The following PDE10A variants were observed in gnomAD, a reference collection of about 807,000 sequenced individuals.
PDE10A encodes the protein cAMP and cAMP-inhibited cGMP 3',5'-cyclic phosphodiesterase 10A.
In PDE10A, 39 loss-of-function variants were observed where a neutral mutation model predicts 97.7. That is an observed-to-expected ratio of 0.40 (90% confidence interval 0.31 to 0.52). PDE10A has a LOEUF of 0.52. Among genes scored for constraint, PDE10A ranks in the 20% least tolerant of loss-of-function variants. The pLI, the probability that PDE10A is intolerant of heterozygous loss-of-function variation, is 0.56. For missense variants in PDE10A, 731 were observed against 1,047.8 expected, an observed-to-expected ratio of 0.70 and a Z score of 4.17; for synonymous variants, 371 against 376.8, an observed-to-expected ratio of 0.98 and a Z score of 0.18.
At chr6:165,853,790 A>G (rs966090580) in intron 1 of PDE10A, among the ~76,000 whole-genome samples, 17 of 152,238 alleles carry the variant, frequency 1.1e-4, no homozygotes, top group African/African-American at 4.1e-4. Flanking sequence ...GAACGTAGCA[A>G]TCATTCAGAA....
rs149867460 is a variant in PDE10A at position 165,909,311 on chromosome 6, A to C, written c.-615+78218T>G. Among the ~76,000 whole-genome samples the C allele has an allele frequency of 1.1e-3, 167 of 152,258 alleles. 1 individual carries two copies. Among genetic ancestry groups the C allele is most frequent in the African/African-American group, 3.9e-3 (161 of 41,544 alleles). On this transcript the variant is annotated intron_variant, in intron 1 of 19. Coordinates refer to the PDE10A transcript ENST00000366882. ...CATGAAGTTACCTTGGGTTTTGAGTACTCTGTGGGCAGGTCTTGAGCTGGC... is the reference window on the plus strand; with the variant it reads ...CATGAAGTTACCTTGGGTTTTGAGTCCTCTGTGGGCAGGTCTTGAGCTGGC...
chr6:165,404,297 C>T lies in PDE10A; in HGVS notation c.2077-7838G>A, dbSNP rs148250768. 8.0e-3 allele frequency among the ~76,000 whole-genome samples: 1,217 copies of T among 152,192 alleles called. 5 individuals carry two copies. Among genetic ancestry groups the T allele is most frequent in the Non-Finnish European group, 0.013 (909 of 68,014 alleles). ...ACCCATCGCAGGGTGTGGCTTGAGG[C>T]TCCCGGATGTGAAGGGAAGGTCCAT... is the stretch of plus-strand genomic sequence containing the variant. On this transcript the variant is annotated intron_variant, in intron 13 of 21. Transcript: ENST00000539869.
Position 165,917,291 on chromosome 6 carries a change from A to G in PDE10A, c.-615+70238T>C, listed in dbSNP as rs114104583. The stretch of plus-strand genomic sequence containing the variant: ...GAGGCCAGGGCTGAGCCACAGGCGT[A>G]CAGCGGTCTCACTGCACCAAGAGCA... On this transcript the variant is annotated intron_variant, in intron 1 of 19. Coordinates refer to the PDE10A transcript ENST00000366882. 8.1e-3 allele frequency among the ~76,000 whole-genome samples: 1,205 copies of G among 147,932 alleles called. 14 individuals carry two copies. The highest frequency in any genetic ancestry group is 0.027 in the African/African-American group (1,071 of 39,898).
At position 165,363,680 on chromosome 6, in the gene PDE10A, G is replaced by C. The variant is rs559563100; in HGVS notation, c.2783+15514C>G. 2.0e-5 allele frequency among the ~76,000 whole-genome samples: 3 copies of C among 152,146 alleles called. No individual in the cohort carries two copies. The East Asian group carries it at 5.8e-4, about 29-fold the overall frequency. On this transcript the variant is annotated intron_variant, in intron 18 of 21. Coordinates refer to ENST00000539869, the MANE Select transcript of PDE10A (RefSeq NM_001385079.1). Reference sequence around the variant, plus strand: ...TTATTAGAAGAAATGAGTTCATTAAGGTGTCAAGATATAAGATCGGTAGTA... The same window carrying C: ...TTATTAGAAGAAATGAGTTCATTAACGTGTCAAGATATAAGATCGGTAGTA...
chr6:165,685,485 G>T (rs895696338), intron 1 of PDE10A, among the ~76,000 whole-genome samples: 1 of 151,882 alleles, frequency 6.6e-6, no homozygotes, highest in Non-Finnish European at 1.5e-5. Context: ...AGAGAAAATC[G>T]GACACACTGT....
At chr6:165,978,312 G>A (rs1184172356) in intron 1 of PDE10A, among the ~76,000 whole-genome samples, 1 of 152,184 alleles carries the variant, frequency 6.6e-6, no homozygotes, top group African/African-American at 2.4e-5. Flanking sequence ...TTAAATTAAG[G>A]ATTTTAGTTG....
intron 2 of PDE10A, among the ~76,000 whole-genome samples, chr6:165,527,782 T>C (rs949053378): frequency 2.0e-5 from 3 of 152,194 alleles, no homozygotes; most frequent in Admixed American, 1.3e-4. Context: ...GTCCATGATC[T>C]CCACTCCTGC....
intron 10 of PDE10A, among the ~76,000 whole-genome samples, chr6:165,423,330 T>C (rs938200807): frequency 2.0e-5 from 3 of 152,216 alleles, no homozygotes; most frequent in Non-Finnish European, 4.4e-5. Context: ...TACAAATTTA[T>C]AAAAATTGAT....
intron 1 of PDE10A, among the ~76,000 whole-genome samples, chr6:165,764,028 C>G (rs1359938442): frequency 6.6e-6 from 1 of 152,214 alleles, no homozygotes; most frequent in Non-Finnish European, 1.5e-5. Context: ...GAATGAGTAG[C>G]AGGCTTGACA....
chr6:165,658,488 C>G (rs1367721245), intron 1 of PDE10A, among the ~76,000 whole-genome samples: 2 of 152,128 alleles, frequency 1.3e-5, no homozygotes, highest in Non-Finnish European at 1.5e-5. Flanking sequence ...GAAACACAAA[C>G]AGAGAGAGGT....
At chr6:165,628,817 T>C (rs1336130728) in intron 1 of PDE10A, among the ~76,000 whole-genome samples, 3 of 152,230 alleles carry the variant, frequency 2.0e-5, no homozygotes, top group East Asian at 1.9e-4. Flanking sequence ...TCCAGATTTA[T>C]AGATAATTGA....
intron 1 of PDE10A, among the ~76,000 whole-genome samples, chr6:165,696,659 A>G (rs920955584): frequency 1.3e-5 from 2 of 152,204 alleles, no homozygotes; most frequent in African/African-American, 4.8e-5. Context: ...TGACCCATAT[A>G]CTGGGGAGAA....
chr6:165,514,743 G>C (rs577860923), intron 2 of PDE10A, among the ~76,000 whole-genome samples: 5 of 152,196 alleles, frequency 3.3e-5, no homozygotes, highest in African/African-American at 1.2e-4. Context: ...CAGAACCTCT[G>C]GACCAACTAC....
At chr6:165,850,526 T>C (rs563940016) in intron 1 of PDE10A, among the ~76,000 whole-genome samples, 68 of 152,308 alleles carry the variant, frequency 4.5e-4, no homozygotes, top group Admixed American at 8.5e-4. Context: ...CCTTTAGTTA[T>C]ATGCTGTTTC....
rs1162184310 is a variant in PDE10A, at chr6:165,662,097, C to G, written c.715G>C (p.Gly239Arg). ...GSPGFPGAGP[G>R]GGGQTPRRPQ... ...CGCCGCGGAGTTTGGCCGCCGCCGC[C>G]TGGGCCGGCGCCGGGGAAGCCGGGG... The change falls in exon 1 of 22, where the codon GGC becomes CGC. Residue 239 changes from glycine to arginine, a missense_variant. Coordinates refer to ENST00000539869, the MANE Select transcript of PDE10A (RefSeq NM_001385079.1). 7.0e-6 allele frequency: 8 copies of G among 1,150,844 alleles called. No individual in the cohort carries two copies. In the Admixed American group the frequency reaches 1.5e-4, roughly 22 times the overall value. 71.3% of individuals were successfully genotyped at this position (1,150,844 alleles called of 1,614,324 possible). A position where few individuals can be genotyped will look rare whatever the true frequency, so the allele number is the denominator to read the frequency against.
At chr6:165,386,855 CAA>C (rs34632085) in intron 17 of PDE10A, among the ~76,000 whole-genome samples, 6 of 143,650 alleles carry the variant, frequency 4.2e-5, no homozygotes, top group Non-Finnish European at 1.5e-5. Flanking sequence ...AAAAAAAATA[CAA>C]AAAAAAAAAT....
intron 3 of PDE10A, among the ~76,000 whole-genome samples, chr6:165,474,701 C>T (rs577576958): frequency 6.7e-6 from 1 of 149,194 alleles, no homozygotes; most frequent in Non-Finnish European, 1.5e-5. Context: ...TTTTACGCAA[C>T]TTCTTGTTAG....
chr6:165,866,952 A>T (rs1781072862), intron 1 of PDE10A, among the ~76,000 whole-genome samples: 2 of 152,114 alleles, frequency 1.3e-5, no homozygotes, highest in Admixed American at 6.5e-5. Flanking sequence ...GGAGTTCTAC[A>T]TCTAGGAGAG....
intron 17 of PDE10A, among the ~76,000 whole-genome samples, chr6:165,387,003 G>A (rs1243878992): frequency 1.3e-5 from 2 of 151,972 alleles, no homozygotes; most frequent in Admixed American, 6.6e-5. Context: ...GCGACACAGC[G>A]AGACTCTGTC....
Sources: gnomAD v4.1 joint callset for allele counts (sites outside exome capture counted in the v4.1 genomes callset) on GRCh38, gnomAD v4.1.1 for gene constraint, MANE v1.5 for transcripts, NCBI Gene and HGNC (gene_info 2026-07-23, HGNC 2026-07-21) for gene names.